Variants in CBFA2T2 observed in about 807,000 individuals in gnomAD.
The protein encoded by CBFA2T2 is protein CBFA2T2.
Under a neutral mutation model 62.2 loss-of-function variants are expected in CBFA2T2, and 11 were observed. The ratio of observed to expected loss-of-function variants is 0.18; its 90% CI spans 0.11 to 0.29. The LOEUF (loss-of-function observed/expected upper bound fraction) is 0.29. CBFA2T2 is among the 10% of genes least tolerant of loss of function. The pLI, the probability that CBFA2T2 is intolerant of heterozygous loss-of-function variation, is 1.00. For missense variants in CBFA2T2, 592 were observed against 774.1 expected (o/e 0.76, Z 2.79); for synonymous variants, 295 against 287.5 (o/e 1.03, Z -0.27).
intron 6 of CBFA2T2, among the ~76,000 whole-genome samples, chr20:33,626,881 C>T (rs759959329): frequency 2.0e-5 from 3 of 152,188 alleles, no homozygotes; most frequent in Non-Finnish European, 2.9e-5. Flanking sequence ...GTTGTAAGTA[C>T]ATTGTCTTAT....
chr20:33,501,859 G>C (rs2011289225), intron 1 of CBFA2T2, among the ~76,000 whole-genome samples: 1 of 151,772 alleles, frequency 6.6e-6, no homozygotes, highest in South Asian at 2.1e-4. Context: ...TGGATGGTCT[G>C]GATCTCCTGA....
At chr20:33,515,737 G>T (rs1274147923) in intron 1 of CBFA2T2, among the ~76,000 whole-genome samples, 1 of 145,312 alleles carries the variant, frequency 6.9e-6, no homozygotes, top group African/African-American at 2.6e-5. Flanking sequence ...GGAGGCAGAG[G>T]TTGCAGTGAG....
chr20:33,539,669 G>GT (rs1165687045), intron 1 of CBFA2T2, among the ~76,000 whole-genome samples: 3 of 149,348 alleles, frequency 2.0e-5, no homozygotes, highest in Non-Finnish European at 4.5e-5. Context: ...GCGAAGTAAG[G>GT]TTTTTTTTGT....
At chr20:33,589,402 C>A (rs1205778607) in intron 1 of CBFA2T2, among the ~76,000 whole-genome samples, 1 of 152,114 alleles carries the variant, frequency 6.6e-6, no homozygotes, top group Non-Finnish European at 1.5e-5. Flanking sequence ...TTTAGGCCCA[C>A]AAAATGATCA....
chr20:33,490,433 C>A, intron 1 of CBFA2T2, 132 bp downstream of exon 1: 1 of 951,902 alleles, frequency 1.1e-6, no homozygotes, highest in Non-Finnish European at 1.4e-6. Context: ...GGCGGCGGAT[C>A]CAAGGTCACG....
chr20:33,559,011 A>G (rs1003321304), intron 1 of CBFA2T2, among the ~76,000 whole-genome samples: 3 of 152,172 alleles, frequency 2.0e-5, no homozygotes, highest in African/African-American at 4.8e-5. Flanking sequence ...TAGGAAAGAC[A>G]GATGAAATGC....
At chr20:33,545,698 T>C (rs1348171247) in intron 1 of CBFA2T2, among the ~76,000 whole-genome samples, 1 of 152,208 alleles carries the variant, frequency 6.6e-6, no homozygotes, top group African/African-American at 2.4e-5. Context: ...CTGTCCCCTG[T>C]TGGCCTCCCA....
chr20:33,546,659 G>T (rs1459597058), intron 1 of CBFA2T2, among the ~76,000 whole-genome samples: 1 of 151,062 alleles, frequency 6.6e-6, no homozygotes, highest in Non-Finnish European at 1.5e-5. Flanking sequence ...TTTTTGTAGA[G>T]ATTTATTTTT....
chr20:33,545,010 T>TAGAATAGAATAGAATAGAAC (rs1428313497), intron 1 of CBFA2T2, among the ~76,000 whole-genome samples: 197 of 113,936 alleles, frequency 1.7e-3, no homozygotes, highest in African/African-American at 5.8e-3. Flanking sequence ...TAGAATAGAA[T>TAGAATAGAATAGAATAGAAC]AGAACAGAAC....
intron 1 of CBFA2T2, among the ~76,000 whole-genome samples, chr20:33,570,427 G>GT (rs1169963618): frequency 5.9e-5 from 9 of 152,214 alleles, no homozygotes; most frequent in African/African-American, 2.2e-4. Context: ...TATTTGAAGA[G>GT]TTTTTTTCAG....
chr20:33,595,218 A>C (rs1009499453), intron 1 of CBFA2T2, among the ~76,000 whole-genome samples: 2 of 152,068 alleles, frequency 1.3e-5, no homozygotes, highest in African/African-American at 4.8e-5. Context: ...CACTTGAAAA[A>C]ATTTTTTTTT....
intron 1 of CBFA2T2, among the ~76,000 whole-genome samples, chr20:33,498,247 CTTT>C (rs150003478): frequency 6.7e-5 from 9 of 134,904 alleles, no homozygotes; most frequent in African/African-American, 2.7e-5. Flanking sequence ...AATTTTCTTT[CTTT>C]TTTTTTTTTT....
At chr20:33,536,995 C>G (rs1312093005) in intron 1 of CBFA2T2, among the ~76,000 whole-genome samples, 1 of 152,042 alleles carries the variant, frequency 6.6e-6, no homozygotes, top group Non-Finnish European at 1.5e-5. Context: ...GCGCTCCTCA[C>G]TTTCCAGACT....
chr20:33,640,275 G>T, intron 9 of CBFA2T2, 66 bp from the exon 10 acceptor site: 2 of 1,435,640 alleles, frequency 1.4e-6, no homozygotes, highest in Non-Finnish European at 1.9e-6. Context: ...TCCTTACTTA[G>T]AATTGCCGTG....
chr20:33,494,901 G>C (rs1292164441), intron 1 of CBFA2T2, among the ~76,000 whole-genome samples: 3 of 151,412 alleles, frequency 2.0e-5, no homozygotes, highest in African/African-American at 7.3e-5. Context: ...CCTGTCCTAG[G>C]TATGTTTTAT....
rs2016689546 is a variant in CBFA2T2, at chr20:33,637,970, T to G, written c.1297+1262T>G. 4.0e-5 allele frequency among the ~76,000 whole-genome samples: 5 copies of G among 125,424 alleles called. 1 individual carries two copies. The South Asian group carries it at 1.4e-3, about 36-fold the overall frequency. The allele number at this position is 125,424 out of a possible 152,430, so 82.3% of individuals were successfully genotyped here. The stretch of plus-strand genomic sequence containing the variant: ...ACGTGAGCCACTGCACCCGGCCTTT[T>G]TTTTTTTTTTTTTTTTTTTTTTGAG... On this transcript the variant is annotated intron_variant, in intron 9 of 10. Coordinates refer to ENST00000342704, the MANE Select transcript of CBFA2T2 (RefSeq NM_001032999.3).
At chr20:33,591,439 ACTCCAGCCTGAG>A (rs2146926133) in intron 1 of CBFA2T2, among the ~76,000 whole-genome samples, 1 of 147,418 alleles carries the variant, frequency 6.8e-6, no homozygotes, top group Non-Finnish European at 1.5e-5. Context: ...CCACTACTGC[ACTCCAGCCTGAG>A]CAACAGAGTA....
At position 33,504,403 on chromosome 20, in the gene CBFA2T2, CTTTTTTT is replaced by C. The variant is rs533648842; in HGVS notation, c.34+14119_34+14125del. On this transcript the variant is annotated intron_variant, in intron 1 of 10. Transcript: ENST00000342704. ...GGTTCTATGATAATTTCATATTTAA[CTTTTTTT>C]TTTTTTTTTTTTTTTTAAGATGGAG... Among the ~76,000 whole-genome samples the C allele has an allele frequency of 1.2e-4, 14 of 117,554 alleles. No homozygotes were observed. In the South Asian group the frequency reaches 2.9e-3, roughly 24 times the overall value. The allele number at this position is 117,554 out of a possible 152,430, so 77.1% of individuals were successfully genotyped here.
rs565401056 is a variant in CBFA2T2 at position 33,615,579 on chromosome 20, AT to A, written c.421-3936del. On this transcript the variant is annotated intron_variant, in intron 3 of 10. Coordinates refer to ENST00000342704, the MANE Select transcript of CBFA2T2 (RefSeq NM_001032999.3). ...AAGGTAGAAAGACAGACTTCTCCCT[AT>A]TCCCCCCAATAAGTAGCAAAAAGCC... 6.3e-3 allele frequency among the ~76,000 whole-genome samples: 961 copies of A among 152,234 alleles called. 6 individuals are homozygous for A. The highest frequency in any genetic ancestry group is 9.0e-3 in the Non-Finnish European group (614 of 68,002).
Sources: gnomAD v4.1 joint callset for allele counts (sites outside exome capture counted in the v4.1 genomes callset) on GRCh38, gnomAD v4.1.1 for gene constraint, MANE v1.5 for transcripts, NCBI Gene and HGNC (gene_info 2026-07-23, HGNC 2026-07-21) for gene names.